SLC14A1: variants seen among roughly 807,000 people sequenced by gnomAD.
The protein encoded by SLC14A1 is urea transporter 1.
In SLC14A1, 36 loss-of-function variants were observed where a neutral mutation model predicts 39.6. That is an observed-to-expected ratio of 0.91 (90% CI 0.70 to 1.20). The LOEUF (loss-of-function observed/expected upper bound fraction) is 1.20, where lower values mean the gene tolerates loss of function less well. Ranked by LOEUF, SLC14A1 falls within the 50% of genes most tolerant of loss-of-function variation. The pLI, the probability that SLC14A1 is intolerant of heterozygous loss-of-function variation, is 0.00. For synonymous variants in SLC14A1, 164 were observed against 173.6 expected, an observed-to-expected ratio of 0.94 and a Z score of 0.43; for missense variants, 469 against 478.7, an observed-to-expected ratio of 0.98 and a Z score of 0.19.
chr18:45,739,908 G>T (rs1018332395), intron 8 of SLC14A1: 4 of 556,566 alleles, frequency 7.2e-6, no homozygotes, highest in Non-Finnish European at 9.6e-6. Flanking sequence ...CCTAAAACAT[G>T]GATGTTTGGG....
At chr18:45,730,496 G>A (rs539445106) in intron 3 of SLC14A1, 25 bp downstream of exon 3, 1 of 1,613,646 alleles carries the variant, frequency 6.2e-7, no homozygotes, top group East Asian at 2.2e-5. Context: ...ACATTTTGGA[G>A]AGACAGGAGA....
chr18:45,739,417 G>A (rs1221161792), intron 7 of SLC14A1, 107 bp downstream of exon 7: 4 of 1,605,710 alleles, frequency 2.5e-6, no homozygotes, highest in African/African-American at 2.7e-5. Context: ...GCTTCCTAGG[G>A]ACCAATGGGA....
intron 5 of SLC14A1, 29 bp downstream of exon 5, chr18:45,734,431 T>C (rs1365839665): frequency 6.5e-7 from 1 of 1,531,362 alleles, no homozygotes; most frequent in Non-Finnish European, 8.9e-7. Flanking sequence ...TCAAAATGCC[T>C]TTTTGAAAAA....
intron 2 of SLC14A1, chr18:45,727,163 G>A (rs904307914): frequency 2.2e-5 from 25 of 1,157,578 alleles, no homozygotes; most frequent in African/African-American, 3.0e-5. Flanking sequence ...CCCAGTGGGC[G>A]CGCTCCAGCC....
chr18:45,743,963 T>A (rs1432591223), intron 8 of SLC14A1, among the ~76,000 whole-genome samples: 1 of 152,114 alleles, frequency 6.6e-6, no homozygotes, highest in Non-Finnish European at 1.5e-5. Flanking sequence ...TAGGCAACTG[T>A]AAACTTTATT....
chr18:45,725,219 T>C (rs184508407), intron 2 of SLC14A1, among the ~76,000 whole-genome samples: 1 of 152,348 alleles, frequency 6.6e-6, no homozygotes, highest in East Asian at 1.9e-4. Context: ...TTATTTCGTG[T>C]AATAAAATAG....
Position 45,751,684 on chromosome 18 carries a change from G to A in SLC14A1, c.*1733G>A, listed in dbSNP as rs1019359072. 2 of 418,638 alleles carry A rather than the reference G, an allele frequency of 4.8e-6. No homozygotes were observed. The highest frequency in any genetic ancestry group is 6.4e-6 in the Non-Finnish European group (2 of 312,856). 25.9% of individuals were successfully genotyped at this position (418,638 alleles called of 1,614,324 possible). A position where few individuals can be genotyped will look rare whatever the true frequency, so the allele number is the denominator to read the frequency against. On this transcript the variant is annotated 3_prime_UTR_variant, in exon 10 of 10. Transcript: ENST00000321925. ...TGCAGCAGCTACTCAGGAGGCTGAGGTGGAAAGATCGCTTGTGCACAGAAG... is the reference window on the plus strand; with the variant it reads ...TGCAGCAGCTACTCAGGAGGCTGAGATGGAAAGATCGCTTGTGCACAGAAG...
chr18:45,736,569 A>G lies in SLC14A1; in HGVS notation c.584A>G (p.Asn195Ser), dbSNP rs1230557756. 3 of 1,614,100 alleles carry G rather than the reference A, an allele frequency of 1.9e-6. No homozygotes were observed. The highest frequency in any genetic ancestry group is 2.5e-6 in the Non-Finnish European group (3 of 1,179,982). The change falls in exon 6 of 10, where the codon AAT becomes AGT. Residue 195 changes from asparagine to serine, a missense_variant. Physicochemically the swap from Asn to Ser is conservative, Grantham distance 46. Coordinates refer to ENST00000321925, the MANE Select transcript of SLC14A1 (RefSeq NM_015865.7). Reference sequence around the variant, plus strand: ...TACCTTTCAGCCACAGGACATTACAATCCATTCTTTCCAGCCAAACTGGTC... The same window carrying G: ...TACCTTTCAGCCACAGGACATTACAGTCCATTCTTTCCAGCCAAACTGGTC... ...SMYLSATGHY[N>S]PFFPAKLVIP...
At chr18:45,727,321 C>G (rs1232352255) in intron 2 of SLC14A1, 1 of 1,551,558 alleles carries the variant, frequency 6.4e-7, no homozygotes, top group African/African-American at 1.4e-5. Context: ...CGTCATGGTC[C>G]TGTTTGGAAG....
At chr18:45,748,650 G>A (rs1381138451) in intron 9 of SLC14A1, among the ~76,000 whole-genome samples, 1 of 151,812 alleles carries the variant, frequency 6.6e-6, no homozygotes, top group African/African-American at 2.4e-5. Context: ...AGATTGCTTG[G>A]TTTAAAAAAA....
At position 45,734,376 on chromosome 18, in the gene SLC14A1, C is replaced by T. The variant is rs1221010222; in HGVS notation, c.444C>T (p.Leu148=). 1.9e-6 allele frequency: 3 copies of T among 1,613,708 alleles called. No individual in the cohort carries two copies. Among genetic ancestry groups the T allele is most frequent in the Non-Finnish European group, 2.5e-6 (3 of 1,179,916 alleles). The part of the protein sequence containing the change: ...DKGDYFWWLL[L]PVCAMSMTCP... ...GAGACTATTTCTGGTGGCTGTTACTCCCTGTATGTGCTATGTCCATGACTT... is the reference window on the plus strand; with the variant it reads ...GAGACTATTTCTGGTGGCTGTTACTTCCTGTATGTGCTATGTCCATGACTT... The change falls in exon 5 of 10, where the codon CTC becomes CTT. Residue 148 remains leucine (L), a synonymous_variant. Coordinates refer to ENST00000321925, the MANE Select transcript of SLC14A1 (RefSeq NM_015865.7).
chr18:45,736,395 C>T (rs1320996757), intron 5 of SLC14A1, 61 bp from the exon 6 acceptor site: 21 of 1,527,590 alleles, frequency 1.4e-5, no homozygotes, highest in Middle Eastern at 1.9e-4. Flanking sequence ...CAGAGTATAG[C>T]GATTCCGTGT....
rs760827294 is a variant in SLC14A1, at chr18:45,739,600, T to A, written c.884T>A (p.Ile295Asn). ...LWGFNSSLAC[I>N]AMGGMFMALT... Reference sequence around the variant, plus strand: ...GGTTTCAACAGCTCTCTGGCCTGCATTGCAATGGGAGGAATGTTCATGGCG... The same window carrying A: ...GGTTTCAACAGCTCTCTGGCCTGCAATGCAATGGGAGGAATGTTCATGGCG... The change falls in exon 8 of 10, where the codon ATT becomes AAT. Residue 295 changes from isoleucine (I) to asparagine (N), a missense_variant. By Grantham distance (149) the Ile-to-Asn change is moderately radical (BLOSUM62 -3). Coordinates refer to ENST00000321925, the MANE Select transcript of SLC14A1 (RefSeq NM_015865.7). The A allele has an allele frequency of 1.9e-6, 3 of 1,614,032 alleles. No individual in the cohort carries two copies. The highest frequency in any genetic ancestry group is 1.1e-5 in the South Asian group (1 of 91,090).
chr18:45,735,106 T>C (rs749021671), intron 5 of SLC14A1, among the ~76,000 whole-genome samples: 40 of 152,180 alleles, frequency 2.6e-4, no homozygotes, highest in Non-Finnish European at 4.7e-4. Context: ...CACATACACT[T>C]GACTCCTCCC....
At chr18:45,739,114 T>C in intron 6 of SLC14A1, 49 bp from the exon 7 acceptor site, 1 of 1,608,514 alleles carries the variant, frequency 6.2e-7, no homozygotes, top group Non-Finnish European at 8.5e-7. Flanking sequence ...CCTGTGGGTT[T>C]CTGTTCAGTT....
At position 45,751,548 on chromosome 18, in the gene SLC14A1, TA is replaced by T. The variant is rs2047710773; in HGVS notation, c.*1601del. 7.2e-6 allele frequency: 7 copies of T among 976,576 alleles called. No individual in the cohort carries two copies. Among genetic ancestry groups the T allele is most frequent in the Non-Finnish European group, 8.5e-6 (7 of 822,516 alleles). 60.5% of individuals were successfully genotyped at this position (976,576 alleles called of 1,614,324 possible). A position where few individuals can be genotyped will look rare whatever the true frequency, so the allele number is the denominator to read the frequency against. On this transcript the variant is annotated 3_prime_UTR_variant, in exon 10 of 10. Coordinates refer to ENST00000321925, the MANE Select transcript of SLC14A1 (RefSeq NM_015865.7). ...ATCCCAGCACTTTGGGAGATGGAGG[TA>T]AAAGGATCTCTTGAGCCCAGGAGTT...
At position 45,749,837 on chromosome 18, in the gene SLC14A1, G is replaced by A. The variant is rs1037329168; in HGVS notation, c.1056G>A (p.Met352Ile). 1.1e-5 allele frequency: 18 copies of A among 1,614,134 alleles called. No individual in the cohort carries two copies. In the Middle Eastern group the frequency reaches 4.9e-4, roughly 44 times the overall value. Residue 352 changes from methionine (M) to isoleucine (I), a missense_variant, in exon 10 of 10, where the codon ATG becomes ATA. Transcript: ENST00000321925. ...TGGCCACGCTATTGTTCCTCATCAT[G>A]ACCACAAAAAATTCCAACATCTACA... ...FCLATLLFLI[M>I]TTKNSNIYKM...
At position 45,737,800 on chromosome 18, in the gene SLC14A1, G is replaced by A. The variant is rs551799766; in HGVS notation, c.663+1152G>A. 2.4e-4 allele frequency among the ~76,000 whole-genome samples: 37 copies of A among 152,256 alleles called. No homozygotes were observed. The South Asian group carries it at 2.7e-3, about 11-fold the overall frequency. Reference sequence around the variant, plus strand: ...CATCTCAGGTGCTTGATAGCCACACGTGGCTAGGACCCACTGTATTAGACA... The same window carrying A: ...CATCTCAGGTGCTTGATAGCCACACATGGCTAGGACCCACTGTATTAGACA... On this transcript the variant is annotated intron_variant, in intron 6 of 9. Transcript: ENST00000321925.
rs1458237774 is a variant in SLC14A1 at position 45,739,116 on chromosome 18, TGTTCA to T, written c.664-43_664-39del. 6 of 1,609,868 alleles carry T rather than the reference TGTTCA, an allele frequency of 3.7e-6. No individual in the cohort carries two copies. The African/African-American group carries it at 5.3e-5, about 14-fold the overall frequency. On this transcript the variant is annotated intron_variant, in intron 6 of 9. Coordinates refer to ENST00000321925, the MANE Select transcript of SLC14A1 (RefSeq NM_015865.7). The stretch of plus-strand genomic sequence containing the variant: ...AGTTTGTGGGTGTCCTGTGGGTTTC[TGTTCA>T]GTTGTTTTGGTAGCCTCATTTTTCT...
Sources: allele counts gnomAD v4.1 joint callset (sites outside exome capture counted in the v4.1 genomes callset), GRCh38; gene constraint gnomAD v4.1.1; transcripts MANE v1.5; gene names NCBI Gene and HGNC (gene_info 2026-07-23, HGNC 2026-07-21).